The following PLD5 variants were observed in gnomAD, a reference collection of about 807,000 sequenced individuals.
The protein encoded by PLD5 is phospholipase D family member 5.
PLD5 carries 36 observed loss-of-function variants against 61.1 expected under a neutral mutation model. The ratio of observed to expected loss-of-function variants is 0.59; its 90% CI spans 0.45 to 0.78. The LOEUF (loss-of-function observed/expected upper bound fraction) is 0.78, where lower values mean the gene tolerates loss of function less well. Ranked by LOEUF, PLD5 falls within the 30% of genes least tolerant of loss-of-function variation. The probability of loss-of-function intolerance (pLI) is 0.00; values close to 1 mark genes in which losing one functional copy is unlikely to be tolerated. For synonymous variants in PLD5, 243 were observed against 242.8 expected (o/e 1.00, Z -0.01); for missense variants, 515 against 644.4 (o/e 0.80, Z 2.17).
chr1:242,283,989 AAAG>A (rs910619554), intron 3 of PLD5, among the ~76,000 whole-genome samples: 20 of 151,988 alleles, frequency 1.3e-4, no homozygotes, highest in African/African-American at 4.3e-4. Context: ...CTGCACCCAA[AAAG>A]AAGGAGTTGG....
At chr1:242,244,522 G>T (rs963711276) in intron 4 of PLD5, among the ~76,000 whole-genome samples, 1 of 152,220 alleles carries the variant, frequency 6.6e-6, no homozygotes, top group Non-Finnish European at 1.5e-5. Context: ...CCAAGTATTG[G>T]CTTTAAATGA....
rs1659498643 is a variant in PLD5 at position 242,086,800 on chromosome 1, A to T, written c.*3054T>A. On this transcript the variant is annotated 3_prime_UTR_variant, in exon 10 of 10. Coordinates refer to ENST00000536534, the MANE Select transcript of PLD5 (RefSeq NM_001372062.1). ...AGTGTTAGTGGTACTGAAATCCAAG[A>T]TATAGTCTCTAATTGTGTTTGTTTT... 1 of 152,244 alleles carries T rather than the reference A, an allele frequency of 6.6e-6. No homozygotes were observed. 9.4% of individuals were successfully genotyped at this position (152,244 alleles called of 1,614,324 possible).
At chr1:242,137,453 G>A (rs1257759293) in intron 5 of PLD5, among the ~76,000 whole-genome samples, 1 of 152,082 alleles carries the variant, frequency 6.6e-6, no homozygotes. Context: ...CCAGATAGTC[G>A]CTACCTGTGG....
chr1:242,247,140 T>C (rs35828163), intron 4 of PLD5, among the ~76,000 whole-genome samples: 2,432 of 152,128 alleles, frequency 0.016, 52 homozygotes, highest in East Asian at 0.064. Flanking sequence ...CCCGCCACCA[T>C]GCCCGGCTAA....
chr1:242,433,050 T>G (rs1572141104), intron 1 of PLD5, among the ~76,000 whole-genome samples: 1 of 152,136 alleles, frequency 6.6e-6, no homozygotes, highest in Non-Finnish European at 1.5e-5. Flanking sequence ...AAAGAGAAGC[T>G]ATTGAAAATA....
intron 4 of PLD5, among the ~76,000 whole-genome samples, chr1:242,259,016 T>G (rs1673236343): frequency 6.6e-6 from 1 of 152,244 alleles, no homozygotes; most frequent in African/African-American, 2.4e-5. Context: ...AAAGCCCAAG[T>G]TGTTGGCACA....
chr1:242,089,276 G>C lies in PLD5; in HGVS notation c.*578C>G, dbSNP rs1027245512. On this transcript the variant is annotated 3_prime_UTR_variant, in exon 10 of 10. Coordinates refer to ENST00000536534, the MANE Select transcript of PLD5 (RefSeq NM_001372062.1). ...GGAACATTTTGTGAGAAGAGAAAATGATACCAAATAAAACTTATGGTATAA... is the reference window on the plus strand; with the variant it reads ...GGAACATTTTGTGAGAAGAGAAAATCATACCAAATAAAACTTATGGTATAA... 2.0e-5 allele frequency: 8 copies of C among 398,894 alleles called. No homozygotes were observed. The highest frequency in any genetic ancestry group is 1.6e-4 in the African/African-American group (8 of 48,622). 24.7% of individuals were successfully genotyped at this position (398,894 alleles called of 1,614,324 possible). A position where few individuals can be genotyped will look rare whatever the true frequency, so the allele number is the denominator to read the frequency against.
chr1:242,091,189 T>C (rs1200952116), intron 9 of PLD5, among the ~76,000 whole-genome samples: 1 of 152,198 alleles, frequency 6.6e-6, no homozygotes, highest in African/African-American at 2.4e-5. Flanking sequence ...CTTGACGATT[T>C]CTCTAAAGAT....
At chr1:242,227,116 T>G (rs1165575868) in intron 4 of PLD5, among the ~76,000 whole-genome samples, 2 of 152,186 alleles carry the variant, frequency 1.3e-5, no homozygotes, top group Non-Finnish European at 2.9e-5. Flanking sequence ...CTGTTCCAAA[T>G]CCCATGTGGT....
chr1:242,224,817 T>A (rs1320445669), intron 4 of PLD5, among the ~76,000 whole-genome samples: 2 of 152,158 alleles, frequency 1.3e-5, no homozygotes, highest in Non-Finnish European at 2.9e-5. Context: ...TTTAAGAAAA[T>A]TATTTTCCAT....
chr1:242,145,052 T>G (rs1664450698), intron 5 of PLD5, among the ~76,000 whole-genome samples: 1 of 152,198 alleles, frequency 6.6e-6, no homozygotes. Context: ...AAAACTATTA[T>G]TAGCCCACAG....
chr1:242,098,103 G>C (rs1373710260), intron 9 of PLD5, among the ~76,000 whole-genome samples: 1 of 152,010 alleles, frequency 6.6e-6, no homozygotes, highest in Non-Finnish European at 1.5e-5. Flanking sequence ...TTGAATGTTG[G>C]CCTGCCTTGC....
chr1:242,295,207 G>C lies in PLD5; in HGVS notation c.327-6677C>G, dbSNP rs558570852. Among the ~76,000 whole-genome samples the C allele has an allele frequency of 1.2e-3, 176 of 152,194 alleles. 4 individuals carry two copies. The highest frequency in any genetic ancestry group is 1.2e-3 in the Non-Finnish European group (83 of 67,992). On this transcript the variant is annotated intron_variant, in intron 2 of 9. Coordinates refer to ENST00000536534, the MANE Select transcript of PLD5 (RefSeq NM_001372062.1). The stretch of plus-strand genomic sequence containing the variant: ...CATGGGTATACCTCATAATGCTGGG[G>C]TTCGGGCTTCTAGTGATCTCATCAC...
chr1:242,096,420 C>T (rs186482198), intron 9 of PLD5, among the ~76,000 whole-genome samples: 1 of 152,140 alleles, frequency 6.6e-6, no homozygotes, highest in Non-Finnish European at 1.5e-5. Flanking sequence ...TGGTTCACCG[C>T]AACCTCTGCC....
intron 1 of PLD5, among the ~76,000 whole-genome samples, chr1:242,491,267 T>C (rs1356399369): frequency 6.6e-6 from 1 of 152,216 alleles, no homozygotes; most frequent in Non-Finnish European, 1.5e-5. Flanking sequence ...TTTTCCTGAG[T>C]TGTTGATCAT....
chr1:242,364,485 G>A (rs1661234095), intron 1 of PLD5, among the ~76,000 whole-genome samples: 1 of 152,140 alleles, frequency 6.6e-6, no homozygotes, highest in African/African-American at 2.4e-5. Flanking sequence ...GGGAGGCCGG[G>A]GTGGGCGGAT....
intron 8 of PLD5, among the ~76,000 whole-genome samples, chr1:242,103,245 T>C (rs1209621956): frequency 6.6e-6 from 1 of 152,128 alleles, no homozygotes; most frequent in Non-Finnish European, 1.5e-5. Flanking sequence ...TCTTCACCCA[T>C]GGTCACCCTT....
chr1:242,290,647 G>A (rs1217802565), intron 2 of PLD5, among the ~76,000 whole-genome samples: 1 of 152,032 alleles, frequency 6.6e-6, no homozygotes, highest in African/African-American at 2.4e-5. Context: ...CGCTGCAATA[G>A]ACCAGGGGAA....
intron 1 of PLD5, among the ~76,000 whole-genome samples, chr1:242,485,275 G>A (rs1000435562): frequency 6.6e-6 from 1 of 152,194 alleles, no homozygotes; most frequent in Non-Finnish European, 1.5e-5. Context: ...AATTGTCCCT[G>A]TTTGCAGATG....
Sources: allele counts gnomAD v4.1 joint callset (sites outside exome capture counted in the v4.1 genomes callset), GRCh38; gene constraint gnomAD v4.1.1; transcripts MANE v1.5; gene names NCBI Gene and HGNC (gene_info 2026-07-23, HGNC 2026-07-21).